Variants in OR6N1 observed in about 807,000 individuals in gnomAD.
OR6N1 encodes olfactory receptor family 6 subfamily N member 1.
For synonymous variants in OR6N1, 170 were observed against 150.7 expected (o/e 1.13, Z -0.94); for missense variants, 394 against 371.7 (o/e 1.06, Z -0.49).
Position 158,765,925 on chromosome 1 carries a change from C to T in OR6N1, c.758G>A (p.Gly253Glu). The change falls in exon 2 of 2, where the codon GGG (glycine) becomes GAG (glutamate). Residue 253 changes from glycine to glutamate, a missense_variant. By Grantham distance (98) the Gly-to-Glu change is moderately conservative. Transcript: ENST00000641846. ...SHFTVVLIFY[G>E]SILSMYVQLK... ...CTGCACATACATGGAAAGGATGCTC[C>T]CATAGAAGATGAGAACCACAGTGAA... is the stretch of plus-strand genomic sequence containing the variant. 1 of 1,614,108 alleles carries T rather than the reference C, an allele frequency of 6.2e-7. No individual in the cohort carries two copies. Among genetic ancestry groups the T allele is most frequent in the South Asian group, 1.1e-5 (1 of 91,074 alleles).
At chr1:158,781,440 C>T in the OR6N1 span, among the ~76,000 whole-genome samples, 2 of 152,150 alleles carry the variant, frequency 1.3e-5, no homozygotes, top group African/African-American at 4.8e-5. Context: ...AAAAGTCTTT[C>T]CCAAATGTTT....
the OR6N1 span, among the ~76,000 whole-genome samples, chr1:158,816,034 T>C: frequency 1.3e-5 from 2 of 151,532 alleles, no homozygotes; most frequent in Admixed American, 1.3e-4. Context: ...GGCGGGCACC[T>C]AAAGTCCCAG....
the OR6N1 span, among the ~76,000 whole-genome samples, chr1:158,800,132 G>C: frequency 6.6e-6 from 1 of 152,152 alleles, no homozygotes. Context: ...TGTAAAGACA[G>C]AGGGGTTTAG....
At chr1:158,805,534 A>G in the OR6N1 span, among the ~76,000 whole-genome samples, 1 of 152,350 alleles carries the variant, frequency 6.6e-6, no homozygotes, top group East Asian at 1.9e-4. Context: ...CTGACCATTC[A>G]TAGGGTGTGT....
At chr1:158,781,568 T>C in the OR6N1 span, among the ~76,000 whole-genome samples, 9,181 of 152,290 alleles carry the variant, frequency 0.06, 307 homozygotes, top group African/African-American at 0.091. Context: ...ACTCTTCTCA[T>C]AAACACATGC....
chr1:158,788,284 T>C, the OR6N1 span, among the ~76,000 whole-genome samples: 4 of 152,186 alleles, frequency 2.6e-5, no homozygotes, highest in Admixed American at 2.0e-4. Flanking sequence ...TAGAAGTCTA[T>C]CATAAGCACA....
chr1:158,794,477 C>G, the OR6N1 span, among the ~76,000 whole-genome samples: 2 of 152,168 alleles, frequency 1.3e-5, no homozygotes, highest in East Asian at 3.9e-4. Context: ...CTGGGTCGAG[C>G]CACCCAGTGG....
At chr1:158,779,533 G>A in the OR6N1 span, among the ~76,000 whole-genome samples, 5 of 152,200 alleles carry the variant, frequency 3.3e-5, no homozygotes, top group Non-Finnish European at 5.9e-5. Flanking sequence ...CAAATGCCCT[G>A]CAGTAGAAAT....
At chr1:158,806,001 G>A in the OR6N1 span, among the ~76,000 whole-genome samples, 1 of 152,064 alleles carries the variant, frequency 6.6e-6, no homozygotes, top group Non-Finnish European at 1.5e-5. Flanking sequence ...AACAGTTTTA[G>A]TAATTATTAT....
the OR6N1 span, among the ~76,000 whole-genome samples, chr1:158,806,498 G>T: frequency 6.6e-6 from 1 of 152,262 alleles, no homozygotes; most frequent in East Asian, 1.9e-4. Context: ...AGGGAACTGA[G>T]GTGGAGGGAA....
chr1:158,780,478 C>T, the OR6N1 span, among the ~76,000 whole-genome samples: 7 of 152,120 alleles, frequency 4.6e-5, no homozygotes, highest in East Asian at 1.9e-4. Context: ...AGATGCTCCT[C>T]GACTTACAAA....
At chr1:158,812,576 G>T in the OR6N1 span, among the ~76,000 whole-genome samples, 2 of 152,118 alleles carry the variant, frequency 1.3e-5, no homozygotes, top group African/African-American at 4.8e-5. Flanking sequence ...GGTGAAGAAA[G>T]GAGAATTTCA....
At chr1:158,782,038 C>T in the OR6N1 span, among the ~76,000 whole-genome samples, 1 of 152,198 alleles carries the variant, frequency 6.6e-6, no homozygotes, top group East Asian at 1.9e-4. Context: ...AGCTCCACTG[C>T]CTCAGAAATG....
chr1:158,805,461 A>G, the OR6N1 span, among the ~76,000 whole-genome samples: 3 of 152,182 alleles, frequency 2.0e-5, no homozygotes, highest in Admixed American at 2.0e-4. Context: ...ACTGAGGTGA[A>G]CAGAAAGGCC....
chr1:158,814,558 T>C, the OR6N1 span, among the ~76,000 whole-genome samples: 1 of 152,202 alleles, frequency 6.6e-6, no homozygotes, highest in African/African-American at 2.4e-5. Flanking sequence ...GCAGATTCAG[T>C]GTCTGTTGAG....
the OR6N1 span, among the ~76,000 whole-genome samples, chr1:158,837,951 A>G: frequency 6.6e-6 from 1 of 151,682 alleles, no homozygotes; most frequent in Non-Finnish European, 1.5e-5. Flanking sequence ...TTAACTAATA[A>G]CAACTTAACT....
chr1:158,798,602 A>G, the OR6N1 span, among the ~76,000 whole-genome samples: 2 of 151,986 alleles, frequency 1.3e-5, no homozygotes, highest in Non-Finnish European at 2.9e-5. Flanking sequence ...AATATTATTA[A>G]TTCTATTAAC....
At chr1:158,777,448 A>G in the OR6N1 span, 1 of 1,614,212 alleles carries the variant, frequency 6.2e-7, no homozygotes, top group South Asian at 1.1e-5. Flanking sequence ...AAGAACACTG[A>G]CAAAGTGGTA....
the OR6N1 span, among the ~76,000 whole-genome samples, chr1:158,813,148 C>T: frequency 6.6e-6 from 1 of 152,116 alleles, no homozygotes; most frequent in East Asian, 1.9e-4. Flanking sequence ...AGGAGCAGAC[C>T]TTTTTATGCA....
Sources: allele counts gnomAD v4.1 joint callset (sites outside exome capture counted in the v4.1 genomes callset), GRCh38; gene constraint gnomAD v4.1.1; transcripts MANE v1.5; gene names NCBI Gene and HGNC (gene_info 2026-07-23, HGNC 2026-07-21).